Variants in MGAT4C observed in about 807,000 individuals in gnomAD.
MGAT4C encodes the protein alpha-1,3-mannosyl-glycoprotein 4-beta-N-acetylglucosaminyltransferase C.
A neutral mutation model predicts 40.1 loss-of-function variants in MGAT4C; 19 were observed. The observed-to-expected ratio is 0.47, with a 90% confidence interval of 0.33 to 0.70. The LOEUF (loss-of-function observed/expected upper bound fraction) is 0.70. Among genes scored for constraint, MGAT4C ranks in the 30% least tolerant of loss-of-function variants. The pLI, the probability that MGAT4C is intolerant of heterozygous loss-of-function variation, is 0.02. For synonymous variants in MGAT4C, 181 were observed against 187.1 expected, an observed-to-expected ratio of 0.97 and a Z score of 0.27; for missense variants, 491 against 563.2, an observed-to-expected ratio of 0.87 and a Z score of 1.30.
intron 3 of MGAT4C, among the ~76,000 whole-genome samples, chr12:86,430,162 T>C (rs918700379): frequency 1.3e-5 from 2 of 152,202 alleles, no homozygotes; most frequent in African/African-American, 4.8e-5. Flanking sequence ...ATATTGTTTT[T>C]CAAATTTTAC....
chr12:86,713,551 C>A, intron 2 of MGAT4C, among the ~76,000 whole-genome samples: 1 of 151,964 alleles, frequency 6.6e-6, no homozygotes, highest in East Asian at 1.9e-4. Context: ...TTTTTGAAGA[C>A]TATATGCTAC....
intron 3 of MGAT4C, among the ~76,000 whole-genome samples, chr12:86,421,438 C>A (rs553990329): frequency 6.6e-6 from 1 of 152,208 alleles, no homozygotes; most frequent in Non-Finnish European, 1.5e-5. Context: ...TCCCAAATAA[C>A]CCTATTTAAT....
At chr12:86,793,613 G>A (rs1186830487) in intron 1 of MGAT4C, among the ~76,000 whole-genome samples, 1 of 151,880 alleles carries the variant, frequency 6.6e-6, no homozygotes, top group Non-Finnish European at 1.5e-5. Context: ...TTTGTTTCCA[G>A]TTAAACATTT....
intron 1 of MGAT4C, chr12:86,068,203 C>T (rs1164759226): frequency 6.6e-6 from 1 of 152,138 alleles, no homozygotes; most frequent in Admixed American, 6.6e-5. Context: ...TTTTAAGGAA[C>T]AAATAATTAT....
intron 2 of MGAT4C, among the ~76,000 whole-genome samples, chr12:86,725,916 AT>A (rs1950814784): frequency 6.6e-6 from 1 of 152,174 alleles, no homozygotes; most frequent in Admixed American, 6.5e-5. Flanking sequence ...TTATGGTTGC[AT>A]TTTTCCTAGA....
At chr12:86,604,757 T>C (rs138492189) in intron 2 of MGAT4C, among the ~76,000 whole-genome samples, 4 of 152,256 alleles carry the variant, frequency 2.6e-5, no homozygotes, top group African/African-American at 9.6e-5. Flanking sequence ...CTATATTATA[T>C]ACTGAAGAAC....
At chr12:86,538,491 T>A (rs948701562) in intron 2 of MGAT4C, among the ~76,000 whole-genome samples, 2 of 152,118 alleles carry the variant, frequency 1.3e-5, no homozygotes, top group African/African-American at 4.8e-5. Context: ...TTGGAATAGG[T>A]AAGGTGTTAT....
chr12:86,213,958 A>C (rs1245920521), intron 1 of MGAT4C, among the ~76,000 whole-genome samples: 1 of 152,198 alleles, frequency 6.6e-6, no homozygotes, highest in Non-Finnish European at 1.5e-5. Context: ...ATTCCCCACA[A>C]GGGGGTCTGA....
intron 4 of MGAT4C, among the ~76,000 whole-genome samples, chr12:86,282,965 T>C (rs1249045881): frequency 6.6e-6 from 1 of 152,092 alleles, no homozygotes; most frequent in African/African-American, 2.4e-5. Context: ...CTACTCAGTA[T>C]TTTTTCTAGG....
intron 2 of MGAT4C, among the ~76,000 whole-genome samples, chr12:86,722,178 C>T (rs891277576): frequency 6.6e-6 from 1 of 152,062 alleles, no homozygotes; most frequent in African/African-American, 2.4e-5. Flanking sequence ...AGGATGACAG[C>T]AGGAGGGAGG....
At chr12:86,339,215 G>C (rs548411389) in intron 3 of MGAT4C, among the ~76,000 whole-genome samples, 2 of 152,070 alleles carry the variant, frequency 1.3e-5, no homozygotes, top group Non-Finnish European at 2.9e-5. Context: ...CCAAACCAGA[G>C]AGTCTGCCTC....
At chr12:86,411,844 T>G (rs1956612487) in intron 3 of MGAT4C, among the ~76,000 whole-genome samples, 1 of 151,948 alleles carries the variant, frequency 6.6e-6, no homozygotes, top group Non-Finnish European at 1.5e-5. Context: ...TGAAGAATGG[T>G]TTTTCAGGCC....
intron 2 of MGAT4C, among the ~76,000 whole-genome samples, chr12:86,652,367 T>C (rs1406252000): frequency 6.6e-6 from 1 of 151,900 alleles, no homozygotes; most frequent in Non-Finnish European, 1.5e-5. Flanking sequence ...AAATATATAA[T>C]AAATGCATTT....
At chr12:86,116,172 C>T (rs1259995726) in intron 1 of MGAT4C, among the ~76,000 whole-genome samples, 5 of 151,610 alleles carry the variant, frequency 3.3e-5, no homozygotes, top group Non-Finnish European at 7.4e-5. Context: ...GGGCCCAGAT[C>T]ACATTGGGCC....
rs547763811 is a variant in MGAT4C, at chr12:86,215,634, C to T, written c.-57+40605G>A. 2.1e-4 allele frequency among the ~76,000 whole-genome samples: 32 copies of T among 152,258 alleles called. No individual in the cohort carries two copies. In the South Asian group the frequency reaches 6.6e-3, roughly 32 times the overall value. On this transcript the variant is annotated intron_variant, in intron 1 of 4. Transcript: ENST00000611864. The stretch of plus-strand genomic sequence containing the variant: ...CCTTTTTTTCTGTCTGCAAACACTG[C>T]CTGTTCACGTTGCTGTGGGGAGCTC...
intron 2 of MGAT4C, among the ~76,000 whole-genome samples, chr12:86,039,673 CT>C: frequency 6.6e-6 from 1 of 152,226 alleles, no homozygotes; most frequent in South Asian, 2.1e-4. Flanking sequence ...GAACACGCTC[CT>C]TTAGCTCAGA....
chr12:86,337,113 T>A lies in MGAT4C; in HGVS notation c.-119-2986A>T, dbSNP rs984103236. On this transcript the variant is annotated intron_variant, in intron 3 of 7. Transcript: ENST00000548651. Reference sequence around the variant, plus strand: ...TTAAGTCTTGGTACACAGAAAATGATCGATGATGATGATGATGTGGTGATG... The same window carrying A: ...TTAAGTCTTGGTACACAGAAAATGAACGATGATGATGATGATGTGGTGATG... Among the ~76,000 whole-genome samples, 3 of 151,966 alleles carry A rather than the reference T, an allele frequency of 2.0e-5. No individual in the cohort carries two copies. The East Asian group carries it at 5.8e-4, about 29-fold the overall frequency.
At chr12:86,377,698 A>T (rs1333704427) in intron 3 of MGAT4C, among the ~76,000 whole-genome samples, 1 of 152,230 alleles carries the variant, frequency 6.6e-6, no homozygotes, top group Non-Finnish European at 1.5e-5. Context: ...GTTGTACAAT[A>T]TAAAAACATA....
intron 2 of MGAT4C, among the ~76,000 whole-genome samples, chr12:86,510,165 T>G (rs939454026): frequency 2.0e-5 from 3 of 152,146 alleles, no homozygotes; most frequent in African/African-American, 7.2e-5. Context: ...TGCTTCCAGT[T>G]TTTGCCCATT....
Sources: gnomAD v4.1 joint callset for allele counts (sites outside exome capture counted in the v4.1 genomes callset) on GRCh38, gnomAD v4.1.1 for gene constraint, MANE v1.5 for transcripts, NCBI Gene and HGNC (gene_info 2026-07-23, HGNC 2026-07-21) for gene names.